The following FRMD8 variants were observed in gnomAD, a reference collection of about 807,000 sequenced individuals.
FRMD8 encodes FERM domain containing 8, also known as FERM domain-containing protein 8.
In FRMD8, 37 loss-of-function variants were observed where a neutral mutation model predicts 54.2. That is an observed-to-expected ratio of 0.68 (90% CI 0.53 to 0.90). The LOEUF is 0.90. FRMD8 is among the 40% of genes least tolerant of loss of function. The pLI is 0.00. For synonymous variants in FRMD8, 246 were observed against 286.9 expected (o/e 0.86, Z 1.44); for missense variants, 585 against 653.7 (o/e 0.89, Z 1.15).
chr11:65,411,474 CCT>C lies in FRMD8; in HGVS notation c.*116_*117del. On this transcript the variant is annotated 3_prime_UTR_variant, in exon 11 of 11. Transcript: ENST00000317568. ...ATGGGTCACCACGTGGGGAGGGCTG[CCT>C]CAGCAGGTTTCTCAGACCACGGAGA... 1 of 657,244 alleles carries C rather than the reference CCT, an allele frequency of 1.5e-6. No individual in the cohort carries two copies. Among genetic ancestry groups the C allele is most frequent in the Non-Finnish European group, 2.4e-6 (1 of 408,672 alleles). The allele number at this position is 657,244 out of a possible 1,614,324, so 40.7% of individuals were successfully genotyped here.
rs1855740149 is a variant in FRMD8, at chr11:65,386,774, C to A, written c.-1+13C>A. 1 of 529,518 alleles carries A rather than the reference C, an allele frequency of 1.9e-6. No homozygotes were observed. The allele number at this position is 529,518 out of a possible 1,614,324, so 32.8% of individuals were successfully genotyped here. On this transcript the variant is annotated intron_variant, in intron 1 of 10. Transcript: ENST00000317568. ...GCGACCCTGCGAGGTGAGAGCACAG[C>A]GACGTCTGGCCCGGGCCTCCGTCCC...
At chr11:65,396,426 A>T (rs1855955758) in intron 6 of FRMD8, among the ~76,000 whole-genome samples, 1 of 152,074 alleles carries the variant, frequency 6.6e-6, no homozygotes, top group African/African-American at 2.4e-5. Flanking sequence ...GCCCCATCAC[A>T]ATCCTTGGCC....
At chr11:65,381,114 G>C in the FRMD8 span, 1 of 153,362 alleles carries the variant, frequency 6.5e-6, no homozygotes, top group Admixed American at 6.5e-5. Context: ...AGCTGGCTCT[G>C]GGGTGCTCCA....
chr11:65,369,681 C>G, the FRMD8 span, among the ~76,000 whole-genome samples: 1 of 151,504 alleles, frequency 6.6e-6, no homozygotes, highest in Non-Finnish European at 1.5e-5. Flanking sequence ...GAGCCGAGAT[C>G]AAGCCACTGC....
intron 10 of FRMD8, among the ~76,000 whole-genome samples, chr11:65,407,687 G>A (rs991081043): frequency 5.3e-5 from 8 of 151,820 alleles, no homozygotes; most frequent in Non-Finnish European, 1.2e-4. Context: ...TCAGGAGATC[G>A]AGACCATCCT....
the FRMD8 span, chr11:65,380,252 AG>A: frequency 5.0e-6 from 8 of 1,607,706 alleles, no homozygotes; most frequent in Non-Finnish European, 6.8e-6. Context: ...AAGAGGAAAG[AG>A]GGGTTCAGGC....
intron 4 of FRMD8, 137 bp downstream of exon 4, chr11:65,393,811 C>A: frequency 1.2e-6 from 1 of 832,354 alleles, no homozygotes; most frequent in Non-Finnish European, 1.9e-6. Flanking sequence ...CAGGCTCCGT[C>A]AGCCACCCCT....
At chr11:65,386,477 T>TGGTACGTGACGCGGCC (rs1169664132), upstream of FRMD8, 2 of 153,280 alleles carry the variant, frequency 1.3e-5, no homozygotes, top group Non-Finnish European at 2.9e-5. Context: ...GTGGCGGGGC[T>TGGTACGTGACGCGGCC]GGTACGTGAC....
At position 65,396,955 on chromosome 11, in the gene FRMD8, C is replaced by G; in HGVS notation, c.738C>G (p.Cys246Trp). The change falls in exon 7 of 11, where the codon TGC becomes TGG. Residue 246 changes from cysteine to tryptophan, a missense_variant. Cys to Trp is a radical substitution (Grantham distance 215). Transcript: ENST00000317568. ...QVQEVSSDGG[C>W]EAALGTHYRA... ...AGGAGGTCAGCAGCGACGGCGGGTG[C>G]GAGGCCGCCCTGGGCACCCACTACC... is the stretch of plus-strand genomic sequence containing the variant. 6.6e-7 allele frequency: 1 copy of G among 1,515,288 alleles called. No individual in the cohort carries two copies. Among genetic ancestry groups the G allele is most frequent in the East Asian group, 2.6e-5 (1 of 38,430 alleles). 93.9% of individuals were successfully genotyped at this position (1,515,288 alleles called of 1,614,324 possible). A position where few individuals can be genotyped will look rare whatever the true frequency, so the allele number is the denominator to read the frequency against.
At position 65,411,207 on chromosome 11, in the gene FRMD8, G is replaced by A. The variant is rs752524081; in HGVS notation, c.1277-35G>A. On this transcript the variant is annotated intron_variant, in intron 10 of 10. Coordinates refer to ENST00000317568, the MANE Select transcript of FRMD8 (RefSeq NM_031904.5). ...CTGAGCCCCCTCACACAGGGACAGC[G>A]CCTCTGCTCAGTGTGCCCTCCCATT... is the stretch of plus-strand genomic sequence containing the variant. 169 of 1,531,410 alleles carry A rather than the reference G, an allele frequency of 1.1e-4. 1 individual carries two copies. In the Admixed American group the frequency reaches 2.8e-3, roughly 25 times the overall value. The allele number at this position is 1,531,410 out of a possible 1,614,324, so 94.9% of individuals were successfully genotyped here. A position where few individuals can be genotyped will look rare whatever the true frequency, so the allele number is the denominator to read the frequency against.
At chr11:65,406,120 C>G (rs998319756) in intron 10 of FRMD8, among the ~76,000 whole-genome samples, 5 of 151,656 alleles carry the variant, frequency 3.3e-5, no homozygotes, top group African/African-American at 1.2e-4. Flanking sequence ...CTCCGCCTCC[C>G]CAGTTCTAGT....
chr11:65,393,160 A>G (rs2137879420), intron 3 of FRMD8, among the ~76,000 whole-genome samples: 1 of 152,308 alleles, frequency 6.6e-6, no homozygotes, highest in South Asian at 2.1e-4. Context: ...AGGCTCTGCC[A>G]GTGGGGGGGC....
chr11:65,401,644 C>G (rs1017992084), intron 9 of FRMD8, among the ~76,000 whole-genome samples: 1 of 148,076 alleles, frequency 6.8e-6, no homozygotes, highest in Non-Finnish European at 1.5e-5. Context: ...GGCCCCCTCC[C>G]CCTTCTCAGC....
At chr11:65,408,581 CTTTCCT>C (rs1371619021) in intron 10 of FRMD8, among the ~76,000 whole-genome samples, 3 of 151,818 alleles carry the variant, frequency 2.0e-5, no homozygotes, top group African/African-American at 7.2e-5. Flanking sequence ...CCTCAGGATA[CTTTCCT>C]AGAAATGGCC....
chr11:65,380,032 G>C, the FRMD8 span: 2 of 1,586,732 alleles, frequency 1.3e-6, no homozygotes, highest in Non-Finnish European at 1.7e-6. Flanking sequence ...ACCAGCAGGA[G>C]AGGCAGGAAA....
intron 3 of FRMD8, 110 bp downstream of exon 3, chr11:65,389,638 A>T (rs1410236844): frequency 7.7e-6 from 9 of 1,168,268 alleles, no homozygotes; most frequent in Non-Finnish European, 1.1e-5. Flanking sequence ...GCCACTGCCC[A>T]TGGGGAAAGG....
intron 3 of FRMD8, among the ~76,000 whole-genome samples, chr11:65,393,165 G>C (rs1253325064): frequency 6.6e-6 from 1 of 152,190 alleles, no homozygotes; most frequent in East Asian, 1.9e-4. Flanking sequence ...CTGCCAGTGG[G>C]GGGGCAAGGC....
chr11:65,397,853 C>A (rs1855989217), intron 7 of FRMD8, among the ~76,000 whole-genome samples: 1 of 149,874 alleles, frequency 6.7e-6, no homozygotes, highest in Non-Finnish European at 1.5e-5. Context: ...TGTGCAGCAC[C>A]ATGCCCGGGT....
At chr11:65,369,537 T>C in the FRMD8 span, among the ~76,000 whole-genome samples, 1 of 151,088 alleles carries the variant, frequency 6.6e-6, no homozygotes, top group Non-Finnish European at 1.5e-5. Context: ...CAGACCATCC[T>C]GGCCAACATG....
Sources: gnomAD v4.1 joint callset for allele counts (sites outside exome capture counted in the v4.1 genomes callset) on GRCh38, gnomAD v4.1.1 for gene constraint, MANE v1.5 for transcripts, NCBI Gene and HGNC (gene_info 2026-07-23, HGNC 2026-07-21) for gene names.